Variants in IRGM observed in about 807,000 individuals in gnomAD.
IRGM encodes the protein immunity related GTPase M.
For missense variants in IRGM, 288 were observed against 219.9 expected (o/e 1.31, Z -1.96); for synonymous variants, 98 against 80.6 (o/e 1.22, Z -1.16).
At chr5:150,866,579 T>C (rs1017113743) in intron 1 of IRGM, among the ~76,000 whole-genome samples, 1 of 152,050 alleles carries the variant, frequency 6.6e-6, no homozygotes, top group Non-Finnish European at 1.5e-5. Context: ...CAAAAATCAA[T>C]AAAAAGGAGA....
At chr5:150,901,093 G>A (rs1162207704), downstream of IRGM, among the ~76,000 whole-genome samples, 3 of 151,968 alleles carry the variant, frequency 2.0e-5, no homozygotes, top group African/African-American at 4.8e-5. Context: ...GTGTAAAAAC[G>A]ACTTCACTTC....
intron 1 of IRGM, among the ~76,000 whole-genome samples, chr5:150,866,774 G>T (rs898638304): frequency 6.6e-6 from 1 of 152,114 alleles, no homozygotes; most frequent in Admixed American, 6.5e-5. Flanking sequence ...TCCAAGAGAT[G>T]AGTATCTTAG....
chr5:150,879,684 A>T (rs1754416904), intron 3 of IRGM: 1 of 152,234 alleles, frequency 6.6e-6, no homozygotes, highest in Non-Finnish European at 1.5e-5. Flanking sequence ...AAAATACACA[A>T]TGAACACTAA....
intron 3 of IRGM, chr5:150,897,990 T>G (rs1754854080): frequency 6.5e-7 from 1 of 1,527,234 alleles, no homozygotes. Flanking sequence ...GAATAGGAGA[T>G]TTTGATAAGG....
intron 3 of IRGM, among the ~76,000 whole-genome samples, chr5:150,890,327 AT>A (rs1047727342): frequency 3.8e-4 from 58 of 151,708 alleles, no homozygotes; most frequent in African/African-American, 1.4e-3. Context: ...TTCCCTTATT[AT>A]TTTTTTGTAT....
rs889311877 is a variant in IRGM, at chr5:150,848,101, A to G, written c.-23A>G. 1.9e-5 allele frequency: 29 copies of G among 1,518,042 alleles called. No homozygotes were observed. Among genetic ancestry groups the G allele is most frequent in the African/African-American group, 2.8e-5 (2 of 72,060 alleles). The allele number at this position is 1,518,042 out of a possible 1,614,324, so 94.0% of individuals were successfully genotyped here. A position where few individuals can be genotyped will look rare whatever the true frequency, so the allele number is the denominator to read the frequency against. On this transcript the variant is annotated 5_prime_UTR_variant, in exon 2 of 2. Coordinates refer to ENST00000522154, the MANE Select transcript of IRGM (RefSeq NM_001145805.2). ...CAGGCATGAGCCACGGCGCCTGGCC[A>G]GCATTGGGGTATTTTATTGAAGATG...
Position 150,895,602 on chromosome 5 carries a change from T to G in IRGM, c.*141-4987T>G, listed in dbSNP as rs747980591. 6.2e-6 allele frequency: 10 copies of G among 1,613,380 alleles called. No individual in the cohort carries two copies. In the South Asian group the frequency reaches 7.7e-5, roughly 12 times the overall value. ...ACATTCAGCACATATGTAAGGTTTC[T>G]CTCCTGTATGAATTCGCTGGTGTCC... On this transcript the variant is annotated intron_variant and NMD_transcript_variant, in intron 3 of 3. Coordinates refer to the IRGM transcript ENST00000520549.
chr5:150,853,327 CTTGTT>C (rs1366761982), downstream of IRGM, among the ~76,000 whole-genome samples: 4 of 152,048 alleles, frequency 2.6e-5, no homozygotes, highest in Non-Finnish European at 5.9e-5. Context: ...TTTATTAACA[CTTGTT>C]TTGTGGCCTA....
downstream of IRGM, among the ~76,000 whole-genome samples, chr5:150,849,802 T>C (rs1385798198): frequency 6.6e-6 from 1 of 152,062 alleles, no homozygotes; most frequent in East Asian, 1.9e-4. Context: ...AGACCGGGTT[T>C]CACCATGTTG....
chr5:150,871,518 C>T (rs7707064), intron 1 of IRGM, among the ~76,000 whole-genome samples: 1 of 152,058 alleles, frequency 6.6e-6, no homozygotes, highest in Non-Finnish European at 1.5e-5. Flanking sequence ...GCACCCTCTG[C>T]TGCATGAGGG....
chr5:150,851,346 A>G (rs59078547), downstream of IRGM, among the ~76,000 whole-genome samples: 2,108 of 152,268 alleles, frequency 0.014, 45 homozygotes, highest in African/African-American at 0.047. Flanking sequence ...CATGATTGGT[A>G]TGGCTGGTAA....
At chr5:150,887,580 A>G (rs1754545068) in intron 3 of IRGM, among the ~76,000 whole-genome samples, 1 of 151,710 alleles carries the variant, frequency 6.6e-6, no homozygotes, top group South Asian at 2.1e-4. Flanking sequence ...TTCAGGAACT[A>G]CAGAGAACTC....
chr5:150,901,105 G>T (rs1754981142), downstream of IRGM, among the ~76,000 whole-genome samples: 1 of 151,940 alleles, frequency 6.6e-6, no homozygotes, highest in Non-Finnish European at 1.5e-5. Flanking sequence ...CTTCACTTCT[G>T]GATGGTAGGG....
chr5:150,879,457 C>G (rs530965281), intron 2 of IRGM: 15 of 152,190 alleles, frequency 9.9e-5, no homozygotes, highest in Non-Finnish European at 1.8e-4. Flanking sequence ...TGAATGAAAG[C>G]AATGTATTCA....
chr5:150,878,209 C>T (rs969890286), intron 2 of IRGM: 1 of 369,688 alleles, frequency 2.7e-6, no homozygotes, highest in African/African-American at 2.1e-5. Context: ...TGCTTCCTAA[C>T]TTTGTGAGGC....
chr5:150,898,276 A>G, intron 3 of IRGM: 2 of 1,592,344 alleles, frequency 1.3e-6, no homozygotes, highest in Non-Finnish European at 1.7e-6. Flanking sequence ...AAAGCTGTCC[A>G]GTTAGCCCTC....
chr5:150,860,770 T>A lies in IRGM; in HGVS notation c.158+12116T>A, dbSNP rs532865950. On this transcript the variant is annotated intron_variant and NMD_transcript_variant, in intron 1 of 3. Transcript: ENST00000520549. ...TGCCTCTGCATCACACAGACACAGC[T>A]ACTAGGCTGATTGCTCGGGGTCTGT... 2.0e-5 allele frequency among the ~76,000 whole-genome samples: 3 copies of A among 152,334 alleles called. No homozygotes were observed. The South Asian group carries it at 6.2e-4, about 32-fold the overall frequency.
intron 1 of IRGM, among the ~76,000 whole-genome samples, chr5:150,856,950 C>A (rs1258312999): frequency 6.7e-6 from 1 of 148,422 alleles, no homozygotes; most frequent in African/African-American, 2.5e-5. Flanking sequence ...TTTTATTATA[C>A]TTTAAGGTTT....
At position 150,847,924 on chromosome 5, in the gene IRGM, T is replaced by C. The variant is rs567199139; in HGVS notation, c.-200T>C. 6 of 550,046 alleles carry C rather than the reference T, an allele frequency of 1.1e-5. No individual in the cohort carries two copies. Among genetic ancestry groups the C allele is most frequent in the African/African-American group, 9.4e-5 (5 of 53,094 alleles). 34.1% of individuals were successfully genotyped at this position (550,046 alleles called of 1,614,324 possible). A position where few individuals can be genotyped will look rare whatever the true frequency, so the allele number is the denominator to read the frequency against. ...TTCAAGCGATTCCCCTGCCTCAGCC[T>C]CCTGTATTAGCTGGGACTACAGGCG... On this transcript the variant is annotated 5_prime_UTR_variant, in exon 2 of 2. Coordinates refer to ENST00000522154, the MANE Select transcript of IRGM (RefSeq NM_001145805.2).
Sources: gnomAD v4.1 joint callset for allele counts (sites outside exome capture counted in the v4.1 genomes callset) on GRCh38, gnomAD v4.1.1 for gene constraint, MANE v1.5 for transcripts, NCBI Gene and HGNC (gene_info 2026-07-23, HGNC 2026-07-21) for gene names.